AHR: variants seen among roughly 807,000 people sequenced by gnomAD.
AHR encodes the protein AH-receptor.
AHR carries 40 observed loss-of-function variants against 86.8 expected under a neutral mutation model. The ratio of observed to expected loss-of-function variants is 0.46; its 90% confidence interval spans 0.36 to 0.60. The LOEUF (loss-of-function observed/expected upper bound fraction) is 0.60. Ranked by LOEUF, AHR falls within the 20% of genes least tolerant of loss-of-function variation. The pLI is 0.00. For missense variants in AHR, 1,001 were observed against 1,011.6 expected (o/e 0.99, Z 0.14); for synonymous variants, 398 against 354.9 (o/e 1.12, Z -1.37).
chr7:17,321,839 A>G (rs1782177123), intron 2 of AHR, among the ~76,000 whole-genome samples: 3 of 152,204 alleles, frequency 2.0e-5, no homozygotes, highest in Non-Finnish European at 2.9e-5. Context: ...AGGACAAAAT[A>G]TAGACTTGAA....
intron 4 of AHR, among the ~76,000 whole-genome samples, chr7:17,328,354 A>G (rs1384115407): frequency 5.3e-5 from 8 of 152,008 alleles, no homozygotes; most frequent in Admixed American, 4.6e-4. Flanking sequence ...AAGTACTGTA[A>G]GCATTAGACT....
At chr7:17,327,456 T>C (rs1346840091) in intron 3 of AHR, among the ~76,000 whole-genome samples, 1 of 151,950 alleles carries the variant, frequency 6.6e-6, no homozygotes, top group African/African-American at 2.4e-5. Context: ...ATGTCTAGTT[T>C]GTTTTTTAAA....
chr7:17,339,924 T>G lies in AHR; in HGVS notation c.2099T>G (p.Phe700Cys). 1 of 1,614,166 alleles carries G rather than the reference T, an allele frequency of 6.2e-7. No homozygotes were observed. Among genetic ancestry groups the G allele is most frequent in the Non-Finnish European group, 8.5e-7 (1 of 1,180,034 alleles). Residue 700 changes from phenylalanine to cysteine, a missense_variant, in exon 10 of 11, where the codon TTT becomes TGT. Coordinates refer to ENST00000242057, the MANE Select transcript of AHR (RefSeq NM_001621.5). ...EMDSMPYTQN[F>C]ISCNQPVLPQ... ...GATTCTATGCCTTATACACAGAACTTTATTTCCTGTAATCAGCCTGTATTA... is the reference window on the plus strand; with the variant it reads ...GATTCTATGCCTTATACACAGAACTGTATTTCCTGTAATCAGCCTGTATTA...
At position 17,298,697 on chromosome 7, in the gene AHR, C is replaced by T; in HGVS notation, c.-568C>T. On this transcript the variant is annotated 5_prime_UTR_variant, in exon 1 of 11. Transcript: ENST00000242057. ...GACGCTCTGTTCCGAGAGCGTGCCC[C>T]GGACCGCCAGCTCAGAACAGGGGCA... 2.5e-6 allele frequency: 1 copy of T among 395,956 alleles called. No homozygotes were observed. Among genetic ancestry groups the T allele is most frequent in the Non-Finnish European group, 4.5e-6 (1 of 224,636 alleles). 24.5% of individuals were successfully genotyped at this position (395,956 alleles called of 1,614,324 possible).
intron 1 of AHR, among the ~76,000 whole-genome samples, chr7:17,304,748 T>G (rs1482792207): frequency 1.3e-5 from 2 of 152,120 alleles, no homozygotes; most frequent in Non-Finnish European, 2.9e-5. Context: ...AGGACTATTA[T>G]TTGTCTTTGA....
At chr7:17,317,917 G>A (rs1219066292) in intron 2 of AHR, among the ~76,000 whole-genome samples, 1 of 152,094 alleles carries the variant, frequency 6.6e-6, no homozygotes, top group Admixed American at 6.6e-5. Context: ...GCAGAGATTT[G>A]TCATATAGTT....
At chr7:17,321,622 G>GCACACACAC (rs1782174764) in intron 2 of AHR, among the ~76,000 whole-genome samples, 1 of 79,690 alleles carries the variant, frequency 1.3e-5, no homozygotes. Flanking sequence ...CACACACAGT[G>GCACACACAC]AGGAAAAAAA....
intron 2 of AHR, among the ~76,000 whole-genome samples, chr7:17,312,257 A>C (rs1292787366): frequency 6.6e-6 from 1 of 152,222 alleles, no homozygotes; most frequent in East Asian, 1.9e-4. Context: ...TCTAGAAGCC[A>C]AGGAGGCATT....
At chr7:17,340,358 T>C (rs1584044014) in intron 10 of AHR, 130 bp downstream of exon 10, 2 of 1,289,596 alleles carry the variant, frequency 1.6e-6, no homozygotes, top group Non-Finnish European at 2.0e-6. Flanking sequence ...CATTTTTTAT[T>C]ATATCTGTGA....
intron 2 of AHR, 75 bp downstream of exon 2, chr7:17,310,198 T>A (rs1782048140): frequency 2.2e-6 from 3 of 1,354,434 alleles, no homozygotes. Flanking sequence ...GTTTCTGTGT[T>A]AATAACTACA....
At chr7:17,338,905 A>C in intron 9 of AHR, 81 bp from the exon 10 acceptor site, 1 of 1,317,400 alleles carries the variant, frequency 7.6e-7, no homozygotes, top group Middle Eastern at 2.8e-4. Flanking sequence ...ATTTTGCTTT[A>C]TGTTTTTCTT....
intron 9 of AHR, 57 bp downstream of exon 9, chr7:17,335,843 G>T: frequency 1.3e-6 from 2 of 1,522,316 alleles, no homozygotes; most frequent in South Asian, 2.4e-5. Context: ...GTCCTCTTAT[G>T]TGAAAGCATA....
chr7:17,309,731 T>A (rs1022182130), intron 1 of AHR, among the ~76,000 whole-genome samples: 1 of 152,230 alleles, frequency 6.6e-6, no homozygotes, highest in African/African-American at 2.4e-5. Flanking sequence ...ATAAGCTTTT[T>A]AATGAAATAT....
At chr7:17,308,702 C>A (rs930872118) in intron 1 of AHR, among the ~76,000 whole-genome samples, 1 of 133,688 alleles carries the variant, frequency 7.5e-6, no homozygotes, top group Non-Finnish European at 1.6e-5. Flanking sequence ...CATACATAAA[C>A]ACACACACAC....
At position 17,299,177 on chromosome 7, in the gene AHR, G is replaced by C; in HGVS notation, c.-88G>C. On this transcript the variant is annotated 5_prime_UTR_variant, in exon 1 of 11. Transcript: ENST00000242057. ...GCGCGGCTTCGCGGAACCCGGCGCC[G>C]GCCGCCGCAGTGGTCCCAGCCTACA... The C allele has an allele frequency of 7.0e-7, 1 of 1,420,964 alleles. No homozygotes were observed. Among genetic ancestry groups the C allele is most frequent in the Non-Finnish European group, 9.3e-7 (1 of 1,077,394 alleles). The allele number at this position is 1,420,964 out of a possible 1,614,324, so 88.0% of individuals were successfully genotyped here.
At chr7:17,316,635 T>A (rs557584851) in intron 2 of AHR, among the ~76,000 whole-genome samples, 1 of 152,274 alleles carries the variant, frequency 6.6e-6, no homozygotes, top group East Asian at 1.9e-4. Context: ...ACAAGTAGTC[T>A]GATGGGATTG....
At chr7:17,342,527 A>G (rs955311138) in intron 10 of AHR, among the ~76,000 whole-genome samples, 10 of 152,254 alleles carry the variant, frequency 6.6e-5, no homozygotes, top group East Asian at 5.8e-4. Context: ...AATATAATCA[A>G]TTCATTGATA....
At chr7:17,338,655 C>T (rs1284544280) in intron 9 of AHR, among the ~76,000 whole-genome samples, 1 of 152,096 alleles carries the variant, frequency 6.6e-6, no homozygotes, top group African/African-American at 2.4e-5. Flanking sequence ...CATGCCTGGC[C>T]CCTAAATTCT....
At chr7:17,312,748 A>T (rs534009108) in intron 2 of AHR, among the ~76,000 whole-genome samples, 1 of 152,322 alleles carries the variant, frequency 6.6e-6, no homozygotes, top group African/African-American at 2.4e-5. Context: ...TGATTCCTTC[A>T]TCAACTACAT....
Sources: gnomAD v4.1 joint callset for allele counts (sites outside exome capture counted in the v4.1 genomes callset) on GRCh38, gnomAD v4.1.1 for gene constraint, MANE v1.5 for transcripts, NCBI Gene and HGNC (gene_info 2026-07-23, HGNC 2026-07-21) for gene names.